CLEC2D: variants seen among roughly 807,000 people sequenced by gnomAD.
CLEC2D encodes C-type lectin related f.
Under a neutral mutation model 20.0 loss-of-function variants are expected in CLEC2D, and 16 were observed. The ratio of observed to expected loss-of-function variants is 0.80; its 90% CI spans 0.54 to 1.22. CLEC2D has a LOEUF of 1.22. CLEC2D is among the 50% of genes most tolerant of loss of function. CLEC2D has a pLI of 0.00. For missense variants in CLEC2D, 207 were observed against 221.5 expected (o/e 0.93, Z 0.42); for synonymous variants, 77 against 71.1 (o/e 1.08, Z -0.42).
At chr12:9,693,478 C>T (rs1865909977) in intron 4 of CLEC2D, 1 of 181,708 alleles carries the variant, frequency 5.5e-6, no homozygotes, top group Admixed American at 5.6e-5. Context: ...CACAATTTCA[C>T]TCAATGTTTG....
At chr12:9,685,846 C>G (rs1591698072) in intron 2 of CLEC2D, among the ~76,000 whole-genome samples, 2 of 152,168 alleles carry the variant, frequency 1.3e-5, no homozygotes, top group South Asian at 4.1e-4. Flanking sequence ...CTTCAGCCCC[C>G]TTTCCAGCAG....
At chr12:9,693,941 G>T in intron 4 of CLEC2D, 1 of 296,168 alleles carries the variant, frequency 3.4e-6, no homozygotes, top group Non-Finnish European at 6.4e-6. Context: ...GAGTAGCTGG[G>T]ACTACAGGTG....
chr12:9,679,544 AT>A (rs1054677862), intron 1 of CLEC2D, among the ~76,000 whole-genome samples: 2 of 152,036 alleles, frequency 1.3e-5, no homozygotes, highest in Admixed American at 1.3e-4. Context: ...TGTAAATGTC[AT>A]TTTTATCTTT....
At chr12:9,677,157 C>T (rs11502800) in intron 1 of CLEC2D, among the ~76,000 whole-genome samples, 3,529 of 151,550 alleles carry the variant, frequency 0.023, 153 homozygotes, top group African/African-American at 0.081. Flanking sequence ...TTAATTTGTA[C>T]CTGATTTGCT....
chr12:9,692,139 C>T (rs1263090865), intron 3 of CLEC2D, among the ~76,000 whole-genome samples: 2 of 151,794 alleles, frequency 1.3e-5, no homozygotes, highest in Admixed American at 6.6e-5. Context: ...TTCGTTCGTT[C>T]GTTCGTTTCT....
In CLEC2D at chr12:9,688,283, C is replaced by G. The variant is rs541795590; in HGVS notation, c.357+197C>G. 2.8e-6 allele frequency: 3 copies of G among 1,071,290 alleles called. No individual in the cohort carries two copies. In the African/African-American group the frequency reaches 5.5e-5, roughly 20 times the overall value. The allele number at this position is 1,071,290 out of a possible 1,614,324, so 66.4% of individuals were successfully genotyped here. A position where few individuals can be genotyped will look rare whatever the true frequency, so the allele number is the denominator to read the frequency against. On this transcript the variant is annotated intron_variant, in intron 3 of 4. Transcript: ENST00000290855. The stretch of plus-strand genomic sequence containing the variant: ...AACCATCTAAAATTACCTTAATATT[C>G]GTGGCAGGAACAGGCCCAGAGGGCA...
intron 1 of CLEC2D, among the ~76,000 whole-genome samples, chr12:9,673,535 G>T (rs958165422): frequency 3.9e-5 from 6 of 152,262 alleles, no homozygotes; most frequent in African/African-American, 1.4e-4. Flanking sequence ...GGAGGCATGG[G>T]ATCAAGGACC....
rs1226655704 is a variant in CLEC2D, at chr12:9,683,322, G to GTT, written c.172+2294_172+2295dup. On this transcript the variant is annotated intron_variant, in intron 2 of 4. Coordinates refer to ENST00000290855, the MANE Select transcript of CLEC2D (RefSeq NM_013269.6). ...TGCCTGTTCACTCTGATGATAGTTTGTTTTTTGTGTTTGTTTTTTTTTTTT... is the reference window on the plus strand; with the variant it reads ...TGCCTGTTCACTCTGATGATAGTTTGTTTTTTTTGTGTTTGTTTTTTTTTTTT... Among the ~76,000 whole-genome samples, 26 of 80,864 alleles carry GTT rather than the reference G, an allele frequency of 3.2e-4. 1 individual carries two copies. The highest frequency in any genetic ancestry group is 5.0e-4 in the African/African-American group (8 of 16,124). The allele number at this position is 80,864 out of a possible 152,430, so 53.0% of individuals were successfully genotyped here.
intron 4 of CLEC2D, 151 bp from the exon 5 acceptor site, chr12:9,694,609 C>G: frequency 1.7e-6 from 1 of 599,040 alleles, no homozygotes; most frequent in Non-Finnish European, 3.0e-6. Context: ...CTAAGCAAAG[C>G]CCACTGACTA....
At chr12:9,689,546 G>A (rs901480397) in intron 3 of CLEC2D, among the ~76,000 whole-genome samples, 2 of 152,022 alleles carry the variant, frequency 1.3e-5, no homozygotes, top group African/African-American at 4.8e-5. Flanking sequence ...AGTCAAAAAT[G>A]TTAAATCAGC....
At chr12:9,672,441 A>AT (rs1342964298) in intron 1 of CLEC2D, among the ~76,000 whole-genome samples, 8 of 152,164 alleles carry the variant, frequency 5.3e-5, no homozygotes, top group African/African-American at 1.9e-4. Context: ...AGCACTCAAA[A>AT]TTCATAATCT....
At position 9,687,887 on chromosome 12, in the gene CLEC2D, T is replaced by G; in HGVS notation, c.173-15T>G. On this transcript the variant is annotated splice_polypyrimidine_tract_variant and intron_variant, in intron 2 of 4. Transcript: ENST00000290855. ...TAAGAAATTTTTATTTTATTTATTTTTATTTTATTTTCAGCAATAAGAGCT... is the reference window on the plus strand; with the variant it reads ...TAAGAAATTTTTATTTTATTTATTTGTATTTTATTTTCAGCAATAAGAGCT... 1 of 1,458,780 alleles carries G rather than the reference T, an allele frequency of 6.9e-7. No individual in the cohort carries two copies. The highest frequency in any genetic ancestry group is 9.1e-7 in the Non-Finnish European group (1 of 1,094,806). 90.4% of individuals were successfully genotyped at this position (1,458,780 alleles called of 1,614,324 possible).
chr12:9,695,571 G>C lies in CLEC2D; in HGVS notation c.*697G>C. 6.9e-7 allele frequency: 1 copy of C among 1,441,116 alleles called. No individual in the cohort carries two copies. The highest frequency in any genetic ancestry group is 1.1e-5 in the South Asian group (1 of 87,810). 89.3% of individuals were successfully genotyped at this position (1,441,116 alleles called of 1,614,324 possible). On this transcript the variant is annotated 3_prime_UTR_variant, in exon 5 of 5. Transcript: ENST00000290855. ...ATGAACTGCACATTGTTGAAGCAGAGGCCATGAATGACGAAGGCAGTCCAA... is the reference window on the plus strand; with the variant it reads ...ATGAACTGCACATTGTTGAAGCAGACGCCATGAATGACGAAGGCAGTCCAA...
chr12:9,683,335 G>GT (rs1357039664), intron 2 of CLEC2D, among the ~76,000 whole-genome samples: 621 of 11,302 alleles, frequency 0.055, 10 homozygotes, highest in African/African-American at 0.089. Context: ...TTTTGTGTTT[G>GT]TTTTTTTTTT....
chr12:9,692,679 A>G, intron 3 of CLEC2D, 149 bp from the exon 4 acceptor site: 1 of 548,996 alleles, frequency 1.8e-6, no homozygotes, highest in South Asian at 2.9e-5. Flanking sequence ...ATGATAATAT[A>G]GCACACCTAT....
At chr12:9,682,151 A>G (rs1865648563) in intron 2 of CLEC2D, among the ~76,000 whole-genome samples, 1 of 152,162 alleles carries the variant, frequency 6.6e-6, no homozygotes, top group African/African-American at 2.4e-5. Flanking sequence ...GTGTGGAGCC[A>G]ATAGCTGGAG....
At chr12:9,671,630 GA>G (rs1301834938) in intron 1 of CLEC2D, among the ~76,000 whole-genome samples, 1 of 152,136 alleles carries the variant, frequency 6.6e-6, no homozygotes, top group Admixed American at 6.5e-5. Flanking sequence ...AAGAGGGGGA[GA>G]AAAAATAAAC....
Position 9,695,794 on chromosome 12 carries a change from A to G in CLEC2D, c.*920A>G. ...AGAGGAGGATGTGAAACTCTTAAGT[A>G]TATCTGGAAAGCAGTCTGCCCCTGG... is the stretch of plus-strand genomic sequence containing the variant. On this transcript the variant is annotated 3_prime_UTR_variant, in exon 5 of 5. Coordinates refer to ENST00000290855, the MANE Select transcript of CLEC2D (RefSeq NM_013269.6). 3 of 1,309,672 alleles carry G rather than the reference A, an allele frequency of 2.3e-6. No homozygotes were observed. Among genetic ancestry groups the G allele is most frequent in the South Asian group, 2.4e-5 (2 of 84,934 alleles). 81.1% of individuals were successfully genotyped at this position (1,309,672 alleles called of 1,614,324 possible).
At chr12:9,684,548 A>G (rs1865712728) in intron 2 of CLEC2D, among the ~76,000 whole-genome samples, 1 of 152,198 alleles carries the variant, frequency 6.6e-6, no homozygotes, top group African/African-American at 2.4e-5. Context: ...ATTTTAATGT[A>G]TGTTCCATCA....
Sources: allele counts gnomAD v4.1 joint callset (sites outside exome capture counted in the v4.1 genomes callset), GRCh38; gene constraint gnomAD v4.1.1; transcripts MANE v1.5; gene names NCBI Gene and HGNC (gene_info 2026-07-23, HGNC 2026-07-21).